The following CPEB3 variants were observed in gnomAD, a reference collection of about 807,000 sequenced individuals.
The protein encoded by CPEB3 is cytoplasmic polyadenylation element binding protein 3.
In CPEB3, 20 loss-of-function variants were observed where a neutral mutation model predicts 67.2. The observed-to-expected ratio is 0.30, with a 90% CI of 0.21 to 0.43. CPEB3 has a LOEUF of 0.43. Among genes scored for constraint, CPEB3 ranks in the 20% least tolerant of loss-of-function variants. The pLI, the probability that CPEB3 is intolerant of heterozygous loss-of-function variation, is 1.00. For missense variants in CPEB3, 746 were observed against 968.6 expected (o/e 0.77, Z 3.05); for synonymous variants, 376 against 393.1 (o/e 0.96, Z 0.51).
At chr10:92,249,786 G>A (rs981293636) in intron 1 of CPEB3, among the ~76,000 whole-genome samples, 3 of 152,028 alleles carry the variant, frequency 2.0e-5, no homozygotes, top group Non-Finnish European at 2.9e-5. Context: ...TTGGGAGGCC[G>A]AAGCAGGAAG....
intron 5 of CPEB3, among the ~76,000 whole-genome samples, chr10:92,143,756 ACT>A (rs1196392971): frequency 3.3e-5 from 5 of 152,112 alleles, no homozygotes; most frequent in African/African-American, 4.8e-5. Context: ...TTAGGGTACC[ACT>A]CTCTCAGCCA....
intron 1 of CPEB3, among the ~76,000 whole-genome samples, chr10:92,252,770 T>G (rs1852353045): frequency 6.6e-6 from 1 of 152,094 alleles, no homozygotes; most frequent in Admixed American, 6.6e-5. Context: ...TCCTCCCACC[T>G]CGGCCTCCCA....
chr10:92,240,111 G>A lies in CPEB3; in HGVS notation c.240C>T (p.Gly80=). The A allele has an allele frequency of 6.3e-7, 1 of 1,577,816 alleles. No individual in the cohort carries two copies. The highest frequency in any genetic ancestry group is 1.3e-5 in the African/African-American group (1 of 74,278). Residue 80 remains glycine (G), a synonymous_variant, in exon 2 of 10, where the codon GGC becomes GGT. Coordinates refer to ENST00000265997, the MANE Select transcript of CPEB3 (RefSeq NM_014912.5). ...GCTGAGGAGGCTGATGGAAACTCAA[G>A]CCTGGCAGGAGCGGTGATTCCATCT... is the stretch of plus-strand genomic sequence containing the variant. ...KMQMESPLLP[G]LSFHQPPQQP... is the part of the protein sequence containing the mutation.
chr10:92,174,186 T>G (rs962226474), intron 4 of CPEB3, among the ~76,000 whole-genome samples: 1 of 152,214 alleles, frequency 6.6e-6, no homozygotes, highest in African/African-American at 2.4e-5. Flanking sequence ...CAGCTCCCTC[T>G]CTGCCACTTC....
chr10:92,053,104 G>A (rs1841962553), intron 9 of CPEB3, among the ~76,000 whole-genome samples: 1 of 152,204 alleles, frequency 6.6e-6, no homozygotes, highest in South Asian at 2.1e-4. Context: ...GGGACTCACA[G>A]CTGAGGTGTT....
intron 7 of CPEB3, among the ~76,000 whole-genome samples, chr10:92,097,837 G>A (rs1273456207): frequency 2.0e-5 from 3 of 151,938 alleles, no homozygotes; most frequent in South Asian, 4.2e-4. Context: ...ACCCATTAGC[G>A]TACTTAATTA....
intron 2 of CPEB3, among the ~76,000 whole-genome samples, chr10:92,227,404 C>T (rs1851029656): frequency 6.6e-6 from 1 of 152,174 alleles, no homozygotes; most frequent in South Asian, 2.1e-4. Context: ...AGCTGGAGCA[C>T]ATGGATTATG....
chr10:92,258,970 C>CT (rs1049039293), intron 1 of CPEB3, among the ~76,000 whole-genome samples: 11 of 150,626 alleles, frequency 7.3e-5, no homozygotes, highest in Middle Eastern at 3.4e-3. Flanking sequence ...TTCTTTCTTT[C>CT]TTTTTTTTCT....
At chr10:92,120,178 G>A (rs558806944) in intron 6 of CPEB3, among the ~76,000 whole-genome samples, 3 of 150,500 alleles carry the variant, frequency 2.0e-5, no homozygotes, top group South Asian at 2.1e-4. Context: ...TGGTGAGGCC[G>A]AGGAGGGCAG....
At chr10:92,075,334 C>T (rs1278960498) in intron 9 of CPEB3, among the ~76,000 whole-genome samples, 1 of 152,162 alleles carries the variant, frequency 6.6e-6, no homozygotes, top group Non-Finnish European at 1.5e-5. Flanking sequence ...TCCCCTACCA[C>T]CATTCCGCTA....
At chr10:92,185,406 T>C (rs1389558909) in intron 3 of CPEB3, among the ~76,000 whole-genome samples, 1 of 152,158 alleles carries the variant, frequency 6.6e-6, no homozygotes, top group Non-Finnish European at 1.5e-5. Context: ...TAGGGTTACA[T>C]ATGGTTATTC....
chr10:92,252,000 G>A (rs1046629403), intron 1 of CPEB3, among the ~76,000 whole-genome samples: 12 of 149,484 alleles, frequency 8.0e-5, no homozygotes, highest in African/African-American at 2.7e-4. Flanking sequence ...GACAGTATTC[G>A]AATAAAAACT....
intron 3 of CPEB3, among the ~76,000 whole-genome samples, chr10:92,187,993 C>G (rs909650546): frequency 6.6e-6 from 1 of 151,986 alleles, no homozygotes; most frequent in Non-Finnish European, 1.5e-5. Context: ...CTCAGGAGTT[C>G]AAGACCAGCC....
chr10:92,098,192 A>G (rs1843982468), intron 7 of CPEB3, among the ~76,000 whole-genome samples: 1 of 131,698 alleles, frequency 7.6e-6, no homozygotes, highest in Admixed American at 8.2e-5. Flanking sequence ...AAAAAAAAAA[A>G]AAAAAAAATC....
At chr10:92,167,699 G>A (rs990593797) in intron 4 of CPEB3, among the ~76,000 whole-genome samples, 32 of 152,144 alleles carry the variant, frequency 2.1e-4, no homozygotes, top group Non-Finnish European at 3.2e-4. Context: ...CTGAGGTCAG[G>A]AGTTTGAGAC....
intron 2 of CPEB3, among the ~76,000 whole-genome samples, chr10:92,213,359 TA>T (rs1162657782): frequency 6.6e-6 from 1 of 152,192 alleles, no homozygotes; most frequent in African/African-American, 2.4e-5. Flanking sequence ...TAAAGTGAAA[TA>T]AGTTGTGTTG....
At chr10:92,268,246 T>C (rs1018009981) in intron 1 of CPEB3, among the ~76,000 whole-genome samples, 5 of 152,218 alleles carry the variant, frequency 3.3e-5, no homozygotes, top group Non-Finnish European at 7.3e-5. Flanking sequence ...CCTAGTGAAA[T>C]GATTCACAGT....
intron 3 of CPEB3, among the ~76,000 whole-genome samples, chr10:92,190,741 G>A (rs1019741869): frequency 7.0e-6 from 1 of 142,806 alleles, no homozygotes; most frequent in Non-Finnish European, 1.5e-5. Flanking sequence ...AAGTGCTTCC[G>A]AACAGACTCA....
rs528144152 is a variant in CPEB3, at chr10:92,253,671, GA to G, written c.-11-13311del. On this transcript the variant is annotated intron_variant, in intron 1 of 9. Transcript: ENST00000265997. Reference sequence around the variant, plus strand: ...GGTGGAATCATCACCAAAGCCCAGGGAGTTTGAGGCTGCAGTGAGCTGTGAT... The same window carrying G: ...GGTGGAATCATCACCAAAGCCCAGGGGTTTGAGGCTGCAGTGAGCTGTGAT... Among the ~76,000 whole-genome samples the G allele has an allele frequency of 1.3e-3, 193 of 152,042 alleles. 1 individual carries two copies. The highest frequency in any genetic ancestry group is 4.4e-3 in the African/African-American group (184 of 41,462).
Sources: gnomAD v4.1 joint callset for allele counts (sites outside exome capture counted in the v4.1 genomes callset) on GRCh38, gnomAD v4.1.1 for gene constraint, MANE v1.5 for transcripts, NCBI Gene and HGNC (gene_info 2026-07-23, HGNC 2026-07-21) for gene names.